The following LRRC71 variants were observed in gnomAD, a reference collection of about 807,000 sequenced individuals.
LRRC71 encodes leucine rich repeat containing 71.
LRRC71 carries 54 observed loss-of-function variants against 66.6 expected under a neutral mutation model. The observed-to-expected ratio is 0.81, with a 90% CI of 0.65 to 1.02. The LOEUF (loss-of-function observed/expected upper bound fraction) is 1.02. Among genes scored for constraint, LRRC71 ranks in the 50% least tolerant of loss-of-function variants. LRRC71 has a pLI of 0.00. For missense variants in LRRC71, 724 were observed against 718.0 expected, an observed-to-expected ratio of 1.01 and a Z score of -0.10; for synonymous variants, 323 against 303.9, an observed-to-expected ratio of 1.06 and a Z score of -0.65.
In LRRC71 at chr1:156,923,294, G is replaced by A. The variant is rs1027154564; in HGVS notation, c.161-655G>A. Among the ~76,000 whole-genome samples the A allele has an allele frequency of 9.2e-5, 14 of 152,216 alleles. 1 individual carries two copies. Among genetic ancestry groups the A allele is most frequent in the African/African-American group, 3.4e-4 (14 of 41,448 alleles). ...CTGGGATGCCTATGGTGGGGAGCCA[G>A]AAAGAGCAAGTGTCCCTTGAAGACT... On this transcript the variant is annotated intron_variant, in intron 1 of 14. Coordinates refer to ENST00000337428, the MANE Select transcript of LRRC71 (RefSeq NM_144702.3).
At chr1:156,937,328 G>A (rs1302325677), downstream of LRRC71, 2 of 1,613,956 alleles carry the variant, frequency 1.2e-6, no homozygotes, top group Non-Finnish European at 1.7e-6. Context: ...CAGGCTTGGA[G>A]GAGAGCGGCT....
At chr1:156,921,905 G>A (rs1311280397) in intron 1 of LRRC71, among the ~76,000 whole-genome samples, 1 of 152,168 alleles carries the variant, frequency 6.6e-6, no homozygotes, top group Non-Finnish European at 1.5e-5. Context: ...AGGCTCCTCA[G>A]AGAAACACTT....
rs796579318 is a variant in LRRC71 at position 156,929,817 on chromosome 1, G to C, written c.1240+88G>C. ...GTGCAGGAAGCTGTTCTGGGCCTGG[G>C]TGCGCCTGCCTGGAGCTCATCTCGC... is the stretch of plus-strand genomic sequence containing the variant. On this transcript the variant is annotated intron_variant, in intron 11 of 14. Coordinates refer to ENST00000337428, the MANE Select transcript of LRRC71 (RefSeq NM_144702.3). 38 of 1,106,838 alleles carry C rather than the reference G, an allele frequency of 3.4e-5. 1 individual carries two copies. The African/African-American group carries it at 5.7e-4, about 17-fold the overall frequency. The allele number at this position is 1,106,838 out of a possible 1,614,324, so 68.6% of individuals were successfully genotyped here. A position where few individuals can be genotyped will look rare whatever the true frequency, so the allele number is the denominator to read the frequency against.
the LRRC71 span, chr1:156,940,333 C>T: frequency 2.5e-6 from 4 of 1,613,944 alleles, no homozygotes; most frequent in Non-Finnish European, 2.5e-6. Flanking sequence ...CAAGGCAGGA[C>T]ACCCAGTTCC....
chr1:156,924,359 TG>T, intron 2 of LRRC71, 64 bp from the exon 3 acceptor site: 1 of 1,519,666 alleles, frequency 6.6e-7, no homozygotes, highest in South Asian at 1.2e-5. Flanking sequence ...CGGGCACCCG[TG>T]GGCCGGCCCG....
chr1:156,932,955 G>T lies in LRRC71; in HGVS notation c.1666G>T (p.Ala556Ser). 6.4e-7 allele frequency: 1 copy of T among 1,573,638 alleles called. No homozygotes were observed. The highest frequency in any genetic ancestry group is 8.6e-7 in the Non-Finnish European group (1 of 1,159,058). ...CAAACTCAGGGAGGATGAGGCCATG[G>T]CATTCTTCCCCTAGCCCCCTCCCAC... is the stretch of plus-strand genomic sequence containing the variant. ...KAKLREDEAM[A>S]FFP The change falls in exon 15 of 15, where the codon GCA (alanine) becomes TCA (serine). Residue 556 changes from alanine to serine, a missense_variant. Transcript: ENST00000337428.
At chr1:156,932,351 G>A in intron 13 of LRRC71, 73 bp from the exon 14 acceptor site, 1 of 1,234,214 alleles carries the variant, frequency 8.1e-7, no homozygotes, top group South Asian at 1.3e-5. Flanking sequence ...CTGGGATGCT[G>A]GGGATGTCTG....
Position 156,932,953 on chromosome 1 carries a change from T to C in LRRC71, c.1664T>C (p.Met555Thr), listed in dbSNP as rs1394776793. The change falls in exon 15 of 15, where the codon ATG (methionine) becomes ACG (threonine). Residue 555 changes from methionine (M) to threonine (T), a missense_variant. Physicochemically the swap from Met to Thr is moderately conservative, Grantham distance 81 (BLOSUM62 -1). Transcript: ENST00000337428. ...IKAKLREDEAMAFFP is the reference protein window; with the variant it reads ...IKAKLREDEATAFFP ...GCCAAACTCAGGGAGGATGAGGCCA[T>C]GGCATTCTTCCCCTAGCCCCCTCCC... 2 of 1,575,946 alleles carry C rather than the reference T, an allele frequency of 1.3e-6. No individual in the cohort carries two copies. The highest frequency in any genetic ancestry group is 1.2e-5 in the South Asian group (1 of 85,556).
chr1:156,937,063 G>T, downstream of LRRC71: 1 of 1,590,220 alleles, frequency 6.3e-7, no homozygotes, highest in Admixed American at 1.7e-5. Context: ...AGGCCCCTGG[G>T]GAAGGGGTCT....
chr1:156,933,099 G>A (rs924671179), downstream of LRRC71: 23 of 647,062 alleles, frequency 3.6e-5, no homozygotes, highest in Non-Finnish European at 5.3e-5. Context: ...CCTTGAGGTC[G>A]TCTGAAAACT....
the LRRC71 span, chr1:156,939,392 C>T: frequency 4.0e-6 from 4 of 1,000,770 alleles, no homozygotes; most frequent in Non-Finnish European, 5.9e-6. Flanking sequence ...CAAAGCCTGC[C>T]TGATATCGGC....
In LRRC71 at chr1:156,925,155, TG is replaced by T. The variant is rs1474884768; in HGVS notation, c.593+141del. 3.9e-6 allele frequency: 3 copies of T among 774,586 alleles called. No homozygotes were observed. In the African/African-American group the frequency reaches 5.2e-5, roughly 13 times the overall value. 48.0% of individuals were successfully genotyped at this position (774,586 alleles called of 1,614,324 possible). A position where few individuals can be genotyped will look rare whatever the true frequency, so the allele number is the denominator to read the frequency against. ...TCCCTGTGGAAGCAGAAGCAGGCAA[TG>T]TCTGTTGGATCATGATACCTCCATT... On this transcript the variant is annotated intron_variant, in intron 5 of 14. Coordinates refer to ENST00000337428, the MANE Select transcript of LRRC71 (RefSeq NM_144702.3).
At chr1:156,924,282 C>G in intron 2 of LRRC71, 142 bp from the exon 3 acceptor site, 1 of 1,323,016 alleles carries the variant, frequency 7.6e-7, no homozygotes, top group Admixed American at 2.4e-5. Context: ...AGCAGAGGCG[C>G]GAGTGGCCGG....
downstream of LRRC71, among the ~76,000 whole-genome samples, chr1:156,936,480 G>GAAAAAAAAAAA (rs35863393): frequency 1.0e-4 from 5 of 48,018 alleles, no homozygotes; most frequent in African/African-American, 4.7e-4. Flanking sequence ...CAAATAAATA[G>GAAAAAAAAAAA]AAAAAAAAAA....
rs755852894 is a variant in LRRC71, at chr1:156,927,572, C to G, written c.739C>G (p.Leu247Val). The G allele has an allele frequency of 5.6e-6, 9 of 1,593,840 alleles. No homozygotes were observed. Among genetic ancestry groups the G allele is most frequent in the Admixed American group, 3.4e-5 (2 of 58,196 alleles). Residue 247 changes from leucine (L) to valine (V), a missense_variant, in exon 7 of 15, where the codon CTG (leucine) becomes GTG (valine). By Grantham distance (32) the Leu-to-Val change is conservative. Coordinates refer to ENST00000337428, the MANE Select transcript of LRRC71 (RefSeq NM_144702.3). ...ACTCCTGGGCCAGGCGCTGTCCACG[C>G]TGCACAGCTGCAACCGGACCCTCGT... ...AQLLGQALST[L>V]HSCNRTLVSL... is the part of the protein sequence containing the mutation.
At chr1:156,932,261 G>A (rs1198816343) in intron 13 of LRRC71, 163 bp from the exon 14 acceptor site, 11 of 675,158 alleles carry the variant, frequency 1.6e-5, no homozygotes, top group African/African-American at 3.6e-5. Context: ...TGGGGAGTGT[G>A]TGAGTAAGAG....
chr1:156,936,497 A>AAAAAAAAAAAAAAAAAAATATATAT (rs370282821), downstream of LRRC71, among the ~76,000 whole-genome samples: 1 of 33,938 alleles, frequency 2.9e-5, no homozygotes, highest in African/African-American at 1.5e-4. Flanking sequence ...AAAAAAAAAA[A>AAAAAAAAAAAAAAAAAAATATATAT]ATATATATAT....
At chr1:156,934,381 GTGGA>G (rs1404398391), downstream of LRRC71, among the ~76,000 whole-genome samples, 1 of 152,192 alleles carries the variant, frequency 6.6e-6, no homozygotes, top group East Asian at 1.9e-4. Flanking sequence ...GTGGGAGGAT[GTGGA>G]TGGATGATGA....
rs1653975489 is a variant in LRRC71, at chr1:156,929,668, TG to T, written c.1182del (p.Gln395SerfsTer21). 1 of 1,587,284 alleles carries T rather than the reference TG, an allele frequency of 6.3e-7. No homozygotes were observed. The highest frequency in any genetic ancestry group is 8.6e-7 in the Non-Finnish European group (1 of 1,166,898). ...LAKKEEKLGS[G>X]QSPTQGTPKK... ...CCAAGAAAGAGGAGAAGTTGGGGTC[TG>T]GGCAGTCACCCACACAAGGAACCCC... On this transcript the variant is annotated frameshift_variant, in exon 11 of 15. Coordinates refer to ENST00000337428, the MANE Select transcript of LRRC71 (RefSeq NM_144702.3). LOFTEE classifies it high-confidence loss of function.
Sources: allele counts gnomAD v4.1 joint callset (sites outside exome capture counted in the v4.1 genomes callset), GRCh38; gene constraint gnomAD v4.1.1; transcripts MANE v1.5; gene names NCBI Gene and HGNC (gene_info 2026-07-23, HGNC 2026-07-21).